The following LYRM4 variants were observed in gnomAD, a reference collection of about 807,000 sequenced individuals.
LYRM4 encodes LYR motif-containing protein 4.
Under a neutral mutation model 11.7 loss-of-function variants are expected in LYRM4, and 9 were observed. The ratio of observed to expected loss-of-function variants is 0.77; its 90% confidence interval spans 0.46 to 1.34. LYRM4 has a LOEUF of 1.34. LYRM4 is among the 40% of genes most tolerant of loss of function. LYRM4 has a pLI of 0.00. For missense variants in LYRM4, 133 were observed against 112.5 expected, an observed-to-expected ratio of 1.18 and a Z score of -0.82; for synonymous variants, 42 against 40.4, an observed-to-expected ratio of 1.04 and a Z score of -0.15.
rs115792206 is a variant in LYRM4, at chr6:5,254,362, T to C, written c.86+6286A>G. 1.8e-3 allele frequency among the ~76,000 whole-genome samples: 274 copies of C among 152,336 alleles called. 2 individuals carry two copies. The highest frequency in any genetic ancestry group is 6.8e-3 in the Middle Eastern group (2 of 294). On this transcript the variant is annotated intron_variant, in intron 1 of 2. Transcript: ENST00000330636. ...GATGAAGAAAATGCTTTCCAAGAGTTTGTAGAATCCCGAAGCACGGATTTT... is the reference window on the plus strand; with the variant it reads ...GATGAAGAAAATGCTTTCCAAGAGTCTGTAGAATCCCGAAGCACGGATTTT...
chr6:5,253,825 A>G (rs1156613478), intron 1 of LYRM4, among the ~76,000 whole-genome samples: 2 of 93,498 alleles, frequency 2.1e-5, no homozygotes, highest in Non-Finnish European at 4.0e-5. Flanking sequence ...TGGGTGCCTC[A>G]TGCTGAGCAA....
chr6:5,218,003 G>A (rs368656802), intron 1 of LYRM4, among the ~76,000 whole-genome samples: 1 of 152,050 alleles, frequency 6.6e-6, no homozygotes, highest in Admixed American at 6.6e-5. Flanking sequence ...AAACTCCTGG[G>A]CTCAAGTGAT....
intron 2 of LYRM4, among the ~76,000 whole-genome samples, chr6:5,209,260 A>AT (rs946668735): frequency 3.3e-5 from 5 of 151,696 alleles, no homozygotes; most frequent in South Asian, 2.1e-4. Context: ...AACCTGGCTA[A>AT]TTTTTTTTGT....
chr6:5,050,985 A>G, the LYRM4 span, among the ~76,000 whole-genome samples: 1 of 152,342 alleles, frequency 6.6e-6, no homozygotes, highest in East Asian at 1.9e-4. Context: ...AAAGAGACAG[A>G]AAACACAAAA....
chr6:5,158,148 T>C (rs1286506022), intron 2 of LYRM4, among the ~76,000 whole-genome samples: 1 of 152,240 alleles, frequency 6.6e-6, no homozygotes, highest in African/African-American at 2.4e-5. Context: ...TGTGTACATT[T>C]ATGCATGCAT....
chr6:5,173,772 T>C (rs1759560548), intron 2 of LYRM4, among the ~76,000 whole-genome samples: 1 of 152,176 alleles, frequency 6.6e-6, no homozygotes, highest in Admixed American at 6.5e-5. Flanking sequence ...AGAAGAGAAA[T>C]CCATTTGATA....
At chr6:5,207,040 T>G (rs562309572) in intron 2 of LYRM4, among the ~76,000 whole-genome samples, 1 of 152,166 alleles carries the variant, frequency 6.6e-6, no homozygotes, top group Admixed American at 6.5e-5. Flanking sequence ...GACATGACTT[T>G]AGACAGAGTC....
chr6:5,084,063 A>G, the LYRM4 span, among the ~76,000 whole-genome samples: 15 of 152,118 alleles, frequency 9.9e-5, no homozygotes, highest in Non-Finnish European at 5.9e-5. Flanking sequence ...TGAGGCCGGG[A>G]ATTTGAGACC....
chr6:5,103,189 A>G (rs1285287740), downstream of LYRM4: 2 of 152,224 alleles, frequency 1.3e-5, no homozygotes, highest in Non-Finnish European at 2.9e-5. Flanking sequence ...TGCTTTCTCC[A>G]TCAAGTTCCA....
chr6:5,064,574 AT>A, the LYRM4 span, among the ~76,000 whole-genome samples: 5 of 151,834 alleles, frequency 3.3e-5, no homozygotes, highest in East Asian at 7.7e-4. Flanking sequence ...TTTGCTTAAA[AT>A]TTTTTTTTAT....
chr6:5,133,426 T>G (rs1764046624), intron 2 of LYRM4, among the ~76,000 whole-genome samples: 1 of 152,146 alleles, frequency 6.6e-6, no homozygotes, highest in African/African-American at 2.4e-5. Flanking sequence ...CACCACCACC[T>G]GTGAGGAAGG....
intron 1 of LYRM4, among the ~76,000 whole-genome samples, chr6:5,244,789 C>T (rs1053236635): frequency 6.6e-6 from 1 of 151,666 alleles, no homozygotes; most frequent in African/African-American, 2.4e-5. Context: ...GCACAAAGGG[C>T]CCATCTGCGC....
the LYRM4 span, among the ~76,000 whole-genome samples, chr6:5,068,975 A>C: frequency 6.6e-6 from 1 of 152,172 alleles, no homozygotes; most frequent in Non-Finnish European, 1.5e-5. This position sits in a 1 kb window ranked among gnomAD's most constrained non-coding sequence, Gnocchi z 4.0. Context: ...CGGTCTTTTC[A>C]AACTGATGTT....
intron 1 of LYRM4, among the ~76,000 whole-genome samples, chr6:5,245,127 T>A (rs1366434762): frequency 1.3e-3 from 65 of 50,806 alleles, no homozygotes; most frequent in Non-Finnish European, 1.9e-3. Context: ...TATATATATA[T>A]ATATATATAT....
the LYRM4 span, among the ~76,000 whole-genome samples, chr6:5,073,906 G>C: frequency 9.2e-5 from 14 of 152,164 alleles, no homozygotes; most frequent in African/African-American, 3.1e-4. Flanking sequence ...GTTCTTCTGC[G>C]ACTGGCTGGC....
chr6:5,255,430 T>C (rs531176174), intron 1 of LYRM4, among the ~76,000 whole-genome samples: 1 of 152,248 alleles, frequency 6.6e-6, no homozygotes, highest in African/African-American at 2.4e-5. Context: ...GGAGGAAAAA[T>C]GGTTATTCTT....
rs550080837 is a variant in LYRM4, at chr6:5,238,050, C to CG, written c.87-21313_87-21312insC. Among the ~76,000 whole-genome samples, 864 of 152,284 alleles carry CG rather than the reference C, an allele frequency of 5.7e-3. 7 individuals carry two copies. Among genetic ancestry groups the CG allele is most frequent in the Non-Finnish European group, 9.0e-3 (613 of 68,018 alleles). On this transcript the variant is annotated intron_variant, in intron 1 of 2. Transcript: ENST00000330636. ...CTGAGGCCGTGCTCCTGGCTGCTTA[C>CG]TGTCCTGCCTTCTAACCACCCTTTT...
intron 1 of LYRM4, among the ~76,000 whole-genome samples, chr6:5,223,341 A>G (rs1461501463): frequency 2.0e-5 from 3 of 152,212 alleles, no homozygotes; most frequent in Admixed American, 6.5e-5. Context: ...TACTTGATAC[A>G]TATTGATCTC....
chr6:5,213,882 G>T (rs908969293), intron 2 of LYRM4, among the ~76,000 whole-genome samples: 9 of 152,210 alleles, frequency 5.9e-5, no homozygotes, highest in Non-Finnish European at 1.2e-4. Flanking sequence ...GCATTATCCC[G>T]GGGGCTTTGC....
Sources: allele counts gnomAD v4.1 joint callset (sites outside exome capture counted in the v4.1 genomes callset), GRCh38; gene constraint gnomAD v4.1.1; non-coding constraint Gnocchi (gnomAD v3.1); transcripts MANE v1.5; gene names NCBI Gene and HGNC (gene_info 2026-07-23, HGNC 2026-07-21).